LIMS1: variants seen among roughly 807,000 people sequenced by gnomAD.
LIMS1 encodes LIM zinc finger domain containing 1, also known as LIM and senescent cell antigen-like-containing domain protein 1.
In LIMS1, 18 loss-of-function variants were observed where a neutral mutation model predicts 44.1. The ratio of observed to expected loss-of-function variants is 0.41; its 90% CI spans 0.28 to 0.61. LIMS1 has a LOEUF of 0.61. Among genes scored for constraint, LIMS1 ranks in the 20% least tolerant of loss-of-function variants. The pLI is 0.32. For synonymous variants in LIMS1, 93 were observed against 149.1 expected (o/e 0.62, Z 2.74); for missense variants, 201 against 422.0 (o/e 0.48, Z 4.59).
chr2:108,575,050 G>T (rs1291844206), intron 1 of LIMS1, among the ~76,000 whole-genome samples: 25 of 151,998 alleles, frequency 1.6e-4, no homozygotes, highest in Admixed American at 1.6e-3. Flanking sequence ...TTGAAATTTG[G>T]CAGGATACTC....
chr2:108,589,132 C>G (rs1686248110), intron 1 of LIMS1, among the ~76,000 whole-genome samples: 1 of 151,500 alleles, frequency 6.6e-6, no homozygotes, highest in African/African-American at 2.4e-5. Flanking sequence ...AAGAAAGCAG[C>G]TATAACTAAG....
At chr2:108,646,882 C>A (rs1011535746) in intron 1 of LIMS1, among the ~76,000 whole-genome samples, 2 of 152,024 alleles carry the variant, frequency 1.3e-5, no homozygotes, top group Non-Finnish European at 2.9e-5. Context: ...CCAACACACC[C>A]GGCTAATTTT....
chr2:108,568,652 G>T (rs1301597022), intron 1 of LIMS1, among the ~76,000 whole-genome samples: 1 of 152,124 alleles, frequency 6.6e-6, no homozygotes, highest in Non-Finnish European at 1.5e-5. Context: ...ACACACAAAG[G>T]TTCCAATTTC....
intron 1 of LIMS1, among the ~76,000 whole-genome samples, chr2:108,551,436 TA>T (rs1684689026): frequency 6.8e-6 from 1 of 146,110 alleles, no homozygotes; most frequent in African/African-American, 2.5e-5. Context: ...GTTAAGTATA[TA>T]TAGTATATAT....
At position 108,620,623 on chromosome 2, in the gene LIMS1, A is replaced by G. The variant is rs1248491604; in HGVS notation, c.33-38982A>G. ...TAGGACCCATTCCACCTTAAAGCCAACAGCATTGTGTCAGCCGGGGTGGCC... is the reference window on the plus strand; with the variant it reads ...TAGGACCCATTCCACCTTAAAGCCAGCAGCATTGTGTCAGCCGGGGTGGCC... On this transcript the variant is annotated intron_variant, in intron 1 of 9. Transcript: ENST00000544547. 2.0e-5 allele frequency among the ~76,000 whole-genome samples: 3 copies of G among 152,214 alleles called. No individual in the cohort carries two copies. In the East Asian group the frequency reaches 5.8e-4, roughly 29 times the overall value.
At chr2:108,607,086 A>G (rs1171401599) in intron 1 of LIMS1, 19 of 728,412 alleles carry the variant, frequency 2.6e-5, no homozygotes, top group Non-Finnish European at 4.1e-5. Context: ...GGTCACGAGA[A>G]CAGAGCTTTC....
chr2:108,663,256 C>CTACA (rs1446102340), intron 2 of LIMS1, among the ~76,000 whole-genome samples: 1 of 152,104 alleles, frequency 6.6e-6, no homozygotes, highest in Non-Finnish European at 1.5e-5. Context: ...GTAGCTAGGA[C>CTACA]TACAGGCACA....
chr2:108,660,827 T>G (rs1691311284), intron 2 of LIMS1: 1 of 161,784 alleles, frequency 6.2e-6, no homozygotes, highest in Admixed American at 5.8e-5. Flanking sequence ...ATGTGTGTGT[T>G]AGATCAAATA....
chr2:108,595,944 AC>A (rs1313585389), intron 1 of LIMS1, among the ~76,000 whole-genome samples: 1 of 152,174 alleles, frequency 6.6e-6, no homozygotes, highest in Non-Finnish European at 1.5e-5. Flanking sequence ...CTTGAGGAGA[AC>A]CTGAGGTTAT....
intron 2 of LIMS1, among the ~76,000 whole-genome samples, chr2:108,664,138 GA>G (rs1691586300): frequency 6.6e-6 from 1 of 152,092 alleles, no homozygotes; most frequent in Non-Finnish European, 1.5e-5. Flanking sequence ...GATTATTCAG[GA>G]AGGCAGAAAC....
At chr2:108,558,177 T>C (rs1013583815) in intron 1 of LIMS1, among the ~76,000 whole-genome samples, 3 of 152,110 alleles carry the variant, frequency 2.0e-5, no homozygotes, top group African/African-American at 7.2e-5. Flanking sequence ...CTTGAACTTG[T>C]AGTATCGGTT....
At chr2:108,573,129 GTTTCTC>G (rs1189900093) in intron 1 of LIMS1, among the ~76,000 whole-genome samples, 1 of 152,158 alleles carries the variant, frequency 6.6e-6, no homozygotes, top group African/African-American at 2.4e-5. Context: ...AGTCCCAGTT[GTTTCTC>G]TTTATATTCA....
At chr2:108,587,843 CAGAA>C (rs1686183277) in intron 1 of LIMS1, among the ~76,000 whole-genome samples, 1 of 152,286 alleles carries the variant, frequency 6.6e-6, no homozygotes, top group African/African-American at 2.4e-5. Context: ...ATATCTGGGA[CAGAA>C]AGAATAATTT....
Position 108,676,033 on chromosome 2 carries a change from G to C in LIMS1, c.681+5G>C. The C allele has an allele frequency of 6.2e-7, 1 of 1,610,160 alleles. No homozygotes were observed. The highest frequency in any genetic ancestry group is 8.5e-7 in the Non-Finnish European group (1 of 1,177,660). ...GGCAAGCAGTGGCATGTGGAGGTGA[G>C]TTCTAAATGGCAAAGGGTAACCAAT... is the stretch of plus-strand genomic sequence containing the variant. On this transcript the variant is annotated splice_donor_5th_base_variant and intron_variant, in intron 6 of 9. Transcript: ENST00000544547.
chr2:108,647,128 G>A (rs1298660293), intron 1 of LIMS1, among the ~76,000 whole-genome samples: 4 of 152,026 alleles, frequency 2.6e-5, no homozygotes, highest in African/African-American at 9.7e-5. Flanking sequence ...AATGATAAAG[G>A]GGATATCACC....
At chr2:108,597,837 C>A (rs528867411) in intron 1 of LIMS1, among the ~76,000 whole-genome samples, 1 of 151,696 alleles carries the variant, frequency 6.6e-6, no homozygotes, top group African/African-American at 2.4e-5. Flanking sequence ...GGATTACAGG[C>A]GCCCGCTGCC....
intron 1 of LIMS1, among the ~76,000 whole-genome samples, chr2:108,602,960 T>C (rs1463163711): frequency 2.0e-5 from 3 of 152,062 alleles, no homozygotes; most frequent in Non-Finnish European, 1.5e-5. Context: ...CAGGGACTTA[T>C]TTGTATTTTT....
At chr2:108,579,508 A>G (rs1685807112) in intron 1 of LIMS1, among the ~76,000 whole-genome samples, 1 of 152,258 alleles carries the variant, frequency 6.6e-6, no homozygotes, top group African/African-American at 2.4e-5. Flanking sequence ...ATTTTCACAA[A>G]GCAAAAGCAT....
chr2:108,558,924 G>A (rs1466306994), intron 1 of LIMS1, among the ~76,000 whole-genome samples: 2 of 152,016 alleles, frequency 1.3e-5, no homozygotes, highest in Non-Finnish European at 2.9e-5. Context: ...ACCCGCCTTG[G>A]TCTCCCAAAG....
Sources: gnomAD v4.1 joint callset for allele counts (sites outside exome capture counted in the v4.1 genomes callset) on GRCh38, gnomAD v4.1.1 for gene constraint, MANE v1.5 for transcripts, NCBI Gene and HGNC (gene_info 2026-07-23, HGNC 2026-07-21) for gene names.